The following PALS2 variants were observed in gnomAD, a reference collection of about 807,000 sequenced individuals.
The protein encoded by PALS2 is protein PALS2.
PALS2 carries 27 observed loss-of-function variants against 61.6 expected under a neutral mutation model. The observed-to-expected ratio is 0.44, with a 90% CI of 0.32 to 0.60. The LOEUF is 0.60. PALS2 is among the 20% of genes least tolerant of loss of function. PALS2 has a pLI of 0.05. For synonymous variants in PALS2, 236 were observed against 218.6 expected (o/e 1.08, Z -0.70); for missense variants, 554 against 639.4 (o/e 0.87, Z 1.44).
intron 8 of PALS2, chr7:24,667,008 AAAG>A (rs1421238057): frequency 3.3e-5 from 5 of 152,304 alleles, no homozygotes; most frequent in Admixed American, 6.5e-5. Context: ...GCACACCATA[AAAG>A]AAAATAATAT....
chr7:24,629,334 A>T (rs1004735155), intron 2 of PALS2, among the ~76,000 whole-genome samples: 9 of 152,236 alleles, frequency 5.9e-5, no homozygotes, highest in African/African-American at 2.2e-4. Flanking sequence ...TACAAAAATT[A>T]AGTCAAGATA....
At chr7:24,648,820 A>G (rs908316562) in intron 3 of PALS2, among the ~76,000 whole-genome samples, 7 of 150,216 alleles carry the variant, frequency 4.7e-5, no homozygotes, top group African/African-American at 1.7e-4. Context: ...CAGGAGAATC[A>G]CTTGAACCCA....
At chr7:24,637,570 C>G (rs1785300887) in intron 2 of PALS2, among the ~76,000 whole-genome samples, 1 of 152,062 alleles carries the variant, frequency 6.6e-6, no homozygotes, top group South Asian at 2.1e-4. Flanking sequence ...ATACATAGCT[C>G]TTTTCTCAAA....
intron 5 of PALS2, among the ~76,000 whole-genome samples, chr7:24,662,595 C>G (rs1786781147): frequency 6.6e-6 from 1 of 151,710 alleles, no homozygotes; most frequent in Non-Finnish European, 1.5e-5. Flanking sequence ...ATGGTGAAAC[C>G]TGGTCTCTAC....
intron 2 of PALS2, among the ~76,000 whole-genome samples, chr7:24,629,271 G>A (rs1205142784): frequency 2.6e-5 from 4 of 152,028 alleles, no homozygotes; most frequent in South Asian, 2.1e-4. Flanking sequence ...ATGATGTTGG[G>A]AAAACTAGCC....
At chr7:24,671,192 C>T (rs913148680) in intron 9 of PALS2, among the ~76,000 whole-genome samples, 4 of 152,308 alleles carry the variant, frequency 2.6e-5, no homozygotes, top group South Asian at 2.1e-4. Context: ...CAACATTTGT[C>T]ATCTGGCTTT....
rs139735308 is a variant in PALS2, at chr7:24,680,451, G to T, written c.1377G>T (p.Pro459=). The part of the protein sequence containing the change: ...FMPYVVFIAA[P]ELETLRAMHK... ...CCTATGTGGTATTTATTGCGGCTCC[G>T]GAGCTAGAGACGTTACGTGCCATGC... The change falls in exon 11 of 12, where the codon CCG becomes CCT. Residue 459 remains proline, a synonymous_variant. Coordinates refer to ENST00000222644, the MANE Select transcript of PALS2 (RefSeq NM_001303037.2). 2 of 1,613,824 alleles carry T rather than the reference G, an allele frequency of 1.2e-6. No homozygotes were observed. Among genetic ancestry groups the T allele is most frequent in the Non-Finnish European group, 1.7e-6 (2 of 1,179,846 alleles).
intron 1 of PALS2, among the ~76,000 whole-genome samples, chr7:24,586,039 T>G (rs1783053359): frequency 6.6e-6 from 1 of 152,222 alleles, no homozygotes; most frequent in African/African-American, 2.4e-5. Flanking sequence ...CAAGTCTGTT[T>G]ATATATGTAT....
At chr7:24,626,424 T>C (rs1481689206) in intron 2 of PALS2, among the ~76,000 whole-genome samples, 1 of 152,180 alleles carries the variant, frequency 6.6e-6, no homozygotes, top group Non-Finnish European at 1.5e-5. Flanking sequence ...ACCCTATACT[T>C]TTGCATTTCA....
intron 5 of PALS2, among the ~76,000 whole-genome samples, chr7:24,652,448 C>T (rs1786203295): frequency 6.6e-6 from 1 of 152,100 alleles, no homozygotes; most frequent in African/African-American, 2.4e-5. Flanking sequence ...CTGCTTTTCA[C>T]TTAGCATTTA....
At chr7:24,614,073 T>C (rs1251908439) in intron 1 of PALS2, among the ~76,000 whole-genome samples, 1 of 151,884 alleles carries the variant, frequency 6.6e-6, no homozygotes, top group Admixed American at 6.6e-5. Flanking sequence ...ATCTCATTAA[T>C]ACACTGATTT....
intron 2 of PALS2, among the ~76,000 whole-genome samples, chr7:24,629,670 T>A (rs970469593): frequency 6.6e-6 from 1 of 152,074 alleles, no homozygotes; most frequent in Non-Finnish European, 1.5e-5. Context: ...GGGCAAAGGA[T>A]ATGAACAGAC....
chr7:24,657,983 C>A (rs1786510515), intron 5 of PALS2, among the ~76,000 whole-genome samples: 1 of 151,032 alleles, frequency 6.6e-6, no homozygotes, highest in Non-Finnish European at 1.5e-5. Context: ...TTTAGAAAAA[C>A]TTTGACAATA....
At chr7:24,636,541 A>T (rs1343516542) in intron 2 of PALS2, among the ~76,000 whole-genome samples, 2 of 152,212 alleles carry the variant, frequency 1.3e-5, no homozygotes, top group Non-Finnish European at 2.9e-5. Flanking sequence ...GAATGTTGGC[A>T]TCCCAACGAA....
Position 24,612,487 on chromosome 7 carries a change from AT to A in PALS2, c.-2-11170del, listed in dbSNP as rs1049094277. Among the ~76,000 whole-genome samples the A allele has an allele frequency of 1.2e-4, 18 of 150,872 alleles. 1 individual carries two copies. The highest frequency in any genetic ancestry group is 6.6e-4 in the Admixed American group (10 of 15,110). On this transcript the variant is annotated intron_variant, in intron 1 of 11. Transcript: ENST00000222644. The stretch of plus-strand genomic sequence containing the variant: ...TTGGGATTTCTATTAGGATTTATTC[AT>A]TTTTTTTTAAAGAATAATTTGGAGA...
At chr7:24,608,854 C>T (rs1281191949) in intron 1 of PALS2, among the ~76,000 whole-genome samples, 1 of 152,160 alleles carries the variant, frequency 6.6e-6, no homozygotes, top group Non-Finnish European at 1.5e-5. Flanking sequence ...CTTAAGCCAT[C>T]CTCCCACCTC....
intron 2 of PALS2, among the ~76,000 whole-genome samples, chr7:24,633,116 G>C (rs986263300): frequency 6.6e-6 from 1 of 151,688 alleles, no homozygotes; most frequent in Non-Finnish European, 1.5e-5. Flanking sequence ...AATCAATTAG[G>C]AATAAGAAAA....
At chr7:24,646,806 T>C (rs1785855135) in intron 3 of PALS2, among the ~76,000 whole-genome samples, 1 of 152,184 alleles carries the variant, frequency 6.6e-6, no homozygotes, top group South Asian at 2.1e-4. Flanking sequence ...TGATAAACTA[T>C]TTATTACTGA....
chr7:24,613,297 ACTT>A (rs1784178668), intron 1 of PALS2, among the ~76,000 whole-genome samples: 2 of 151,572 alleles, frequency 1.3e-5, no homozygotes, highest in South Asian at 4.1e-4. Context: ...TTCATTTTTT[ACTT>A]CTTTCTTTGA....
Sources: allele counts gnomAD v4.1 joint callset (sites outside exome capture counted in the v4.1 genomes callset), GRCh38; gene constraint gnomAD v4.1.1; transcripts MANE v1.5; gene names NCBI Gene and HGNC (gene_info 2026-07-23, HGNC 2026-07-21).